Variants in MREG observed in about 807,000 individuals in gnomAD.
MREG encodes the protein dilute suppressor protein homolog.
Under a neutral mutation model 28.5 loss-of-function variants are expected in MREG, and 31 were observed. The observed-to-expected ratio is 1.09, with a 90% CI of 0.82 to 1.47. The LOEUF is 1.47. Ranked by LOEUF, MREG falls within the 40% of genes most tolerant of loss-of-function variation. MREG has a pLI of 0.00. For missense variants in MREG, 256 were observed against 257.4 expected, an observed-to-expected ratio of 0.99 and a Z score of 0.04; for synonymous variants, 106 against 95.2, an observed-to-expected ratio of 1.11 and a Z score of -0.66.
At chr2:215,958,240 AAAACTT>A (rs1433984204) in intron 2 of MREG, among the ~76,000 whole-genome samples, 1 of 151,710 alleles carries the variant, frequency 6.6e-6, no homozygotes, top group Non-Finnish European at 1.5e-5. Context: ...CATGTACCCT[AAAACTT>A]AAAGTATAAT....
Position 216,010,299 on chromosome 2 carries a change from C to T in MREG, c.95+2934G>A, listed in dbSNP as rs949707378. Among the ~76,000 whole-genome samples the T allele has an allele frequency of 2.0e-5, 3 of 148,806 alleles. No homozygotes were observed. In the South Asian group the frequency reaches 6.4e-4, roughly 32 times the overall value. On this transcript the variant is annotated intron_variant, in intron 1 of 4. Coordinates refer to ENST00000263268, the MANE Select transcript of MREG (RefSeq NM_018000.3). Reference sequence around the variant, plus strand: ...ACCCTTTGGAAGGACTGTGGCCCTGCGGAAACCTTGATTTCAGACTTTTGG... The same window carrying T: ...ACCCTTTGGAAGGACTGTGGCCCTGTGGAAACCTTGATTTCAGACTTTTGG...
At chr2:216,002,087 G>T (rs73072191) in intron 1 of MREG, among the ~76,000 whole-genome samples, 2,930 of 152,196 alleles carry the variant, frequency 0.019, 84 homozygotes, top group African/African-American at 0.066. Flanking sequence ...GAGTGGTTGT[G>T]TTTCCCCTGG....
At position 215,945,586 on chromosome 2, in the gene MREG, T is replaced by C. The variant is rs1175723882; in HGVS notation, c.495A>G (p.Arg165=). 1.2e-6 allele frequency: 2 copies of C among 1,613,204 alleles called. No homozygotes were observed. Among genetic ancestry groups the C allele is most frequent in the Non-Finnish European group, 1.7e-6 (2 of 1,179,736 alleles). The change falls in exon 4 of 5, where the codon AGA becomes AGG. Residue 165 remains arginine, a synonymous_variant. Transcript: ENST00000263268. ...IFPTSWELSE[R]YLFVVDRLIA... is the part of the protein sequence containing the mutation. The stretch of plus-strand genomic sequence containing the variant: ...ATCCACTTACCACAACAAAGAGATA[T>C]CTCTCTGAGAGCTCCCAACTTGTTG...
At chr2:215,959,046 A>C (rs577614786) in intron 2 of MREG, among the ~76,000 whole-genome samples, 1 of 152,228 alleles carries the variant, frequency 6.6e-6, no homozygotes, top group African/African-American at 2.4e-5. Context: ...CACATCCTCC[A>C]GCTGATCCCC....
chr2:216,023,758 C>A (rs1482846292), intron 1 of MREG, among the ~76,000 whole-genome samples: 3 of 152,176 alleles, frequency 2.0e-5, no homozygotes, highest in African/African-American at 7.2e-5. Context: ...ACCTCTGCCT[C>A]CAGGGTTGAA....
intron 2 of MREG, among the ~76,000 whole-genome samples, chr2:215,956,468 T>C (rs906408755): frequency 5.3e-5 from 8 of 152,124 alleles, no homozygotes; most frequent in African/African-American, 1.9e-4. Context: ...GAAAATAATA[T>C]ATATATCAAA....
intron 2 of MREG, among the ~76,000 whole-genome samples, chr2:215,950,266 T>C (rs1692449041): frequency 6.6e-6 from 1 of 152,236 alleles, no homozygotes; most frequent in South Asian, 2.1e-4. Context: ...TTTCAGAGAC[T>C]CATTCATCAT....
intron 2 of MREG, among the ~76,000 whole-genome samples, chr2:215,974,835 C>CAG (rs1693201121): frequency 2.1e-5 from 3 of 143,966 alleles, no homozygotes; most frequent in Non-Finnish European, 1.5e-5. Context: ...GACACACACA[C>CAG]ACACACACAC....
intron 2 of MREG, among the ~76,000 whole-genome samples, chr2:215,962,091 A>G (rs1211082716): frequency 2.0e-5 from 3 of 152,214 alleles, no homozygotes; most frequent in Admixed American, 2.0e-4. Context: ...GAACAGGTCA[A>G]ATGCGAAGGC....
At chr2:216,027,580 C>T (rs1694614975) in intron 1 of MREG, among the ~76,000 whole-genome samples, 1 of 152,148 alleles carries the variant, frequency 6.6e-6, no homozygotes, top group Admixed American at 6.5e-5. Flanking sequence ...GTAATCCCAG[C>T]TACTTGGGAG....
intron 1 of MREG, among the ~76,000 whole-genome samples, chr2:216,009,933 C>G (rs1694253807): frequency 6.6e-6 from 1 of 152,200 alleles, no homozygotes; most frequent in African/African-American, 2.4e-5. Flanking sequence ...TGGGCTCACA[C>G]ATCTTTCAAA....
At chr2:215,959,713 C>A (rs1273614665) in intron 2 of MREG, among the ~76,000 whole-genome samples, 1 of 152,224 alleles carries the variant, frequency 6.6e-6, no homozygotes, top group Non-Finnish European at 1.5e-5. Flanking sequence ...GAGTCTGCCT[C>A]TGACACTTGG....
intron 1 of MREG, among the ~76,000 whole-genome samples, chr2:216,024,003 T>C (rs1208155444): frequency 6.6e-6 from 1 of 152,080 alleles, no homozygotes; most frequent in Non-Finnish European, 1.5e-5. Flanking sequence ...ATATTAAATA[T>C]TTTGCTTGAC....
intron 2 of MREG, among the ~76,000 whole-genome samples, chr2:215,947,690 G>C (rs1351819065): frequency 1.3e-5 from 2 of 152,156 alleles, no homozygotes; most frequent in Non-Finnish European, 2.9e-5. Flanking sequence ...AAGTAGACCT[G>C]AAAATCCCAA....
rs1692266197 is a variant in MREG, at chr2:215,944,371, CA to C, written c.*491del. Reference sequence around the variant, plus strand: ...TGCCCTGACACCCTCCAAGGTTCTACAAGGTGACCAAATCAGAGAGGTCACC... The same window carrying C: ...TGCCCTGACACCCTCCAAGGTTCTACAGGTGACCAAATCAGAGAGGTCACC... On this transcript the variant is annotated 3_prime_UTR_variant, in exon 5 of 5. Transcript: ENST00000263268. 1 of 152,496 alleles carries C rather than the reference CA, an allele frequency of 6.6e-6. No individual in the cohort carries two copies. Among genetic ancestry groups the C allele is most frequent in the Non-Finnish European group, 1.5e-5 (1 of 68,260 alleles). The allele number at this position is 152,496 out of a possible 1,614,324, so 9.4% of individuals were successfully genotyped here. A position where few individuals can be genotyped will look rare whatever the true frequency, so the allele number is the denominator to read the frequency against.
chr2:215,993,405 T>C (rs1231236134), intron 2 of MREG, among the ~76,000 whole-genome samples: 1 of 152,142 alleles, frequency 6.6e-6, no homozygotes, highest in Non-Finnish European at 1.5e-5. Flanking sequence ...CCTTATACCT[T>C]ACACAAAAAT....
intron 1 of MREG, among the ~76,000 whole-genome samples, chr2:216,020,025 G>GA (rs941242182): frequency 1.3e-4 from 20 of 150,710 alleles, no homozygotes; most frequent in Admixed American, 5.3e-4. Context: ...TCCCAGGGAG[G>GA]AAAAAAAAAC....
chr2:215,940,997 A>G (rs1321508111), downstream of MREG, among the ~76,000 whole-genome samples: 4 of 152,188 alleles, frequency 2.6e-5, no homozygotes, highest in African/African-American at 9.7e-5. Context: ...AGTCTATTCT[A>G]GCCAAGGTTT....
rs111687617 is a variant in MREG at position 215,994,468 on chromosome 2, A to G, written c.255+1838T>C. Among the ~76,000 whole-genome samples, 1,038 of 151,912 alleles carry G rather than the reference A, an allele frequency of 6.8e-3. 8 individuals carry two copies. The highest frequency in any genetic ancestry group is 0.011 in the Non-Finnish European group (776 of 68,002). On this transcript the variant is annotated intron_variant, in intron 2 of 4. Coordinates refer to ENST00000263268, the MANE Select transcript of MREG (RefSeq NM_018000.3). Reference sequence around the variant, plus strand: ...CGGAGAAATACCTATTGTAGATGACAGGTTGATGGGTGAGCAAACCACCAT... The same window carrying G: ...CGGAGAAATACCTATTGTAGATGACGGGTTGATGGGTGAGCAAACCACCAT...
Sources: allele counts gnomAD v4.1 joint callset (sites outside exome capture counted in the v4.1 genomes callset), GRCh38; gene constraint gnomAD v4.1.1; transcripts MANE v1.5; gene names NCBI Gene and HGNC (gene_info 2026-07-23, HGNC 2026-07-21).